The following TTLL12 variants were observed in gnomAD, a reference collection of about 807,000 sequenced individuals.
TTLL12 encodes the protein tubulin tyrosine ligase like 12, also known as tubulin--tyrosine ligase-like protein 12.
In TTLL12, 77 loss-of-function variants were observed where a neutral mutation model predicts 79.6. That is an observed-to-expected ratio of 0.97 (90% CI 0.81 to 1.17). The LOEUF (loss-of-function observed/expected upper bound fraction) is 1.17, where lower values mean the gene tolerates loss of function less well. Ranked by LOEUF, TTLL12 falls within the 50% of genes most tolerant of loss-of-function variation. TTLL12 has a pLI of 0.00. For synonymous variants in TTLL12, 437 were observed against 376.1 expected (o/e 1.16, Z -1.87); for missense variants, 969 against 895.9 (o/e 1.08, Z -1.04).
chr22:43,169,706 A>T, intron 11 of TTLL12, 138 bp from the exon 12 acceptor site: 1 of 820,934 alleles, frequency 1.2e-6, no homozygotes, highest in Non-Finnish European at 2.0e-6. Context: ...CCGAACCCTC[A>T]GGGTCCAAAC....
Position 43,180,731 on chromosome 22 carries a change from T to C in TTLL12, c.546+11A>G, listed in dbSNP as rs1385069663. The C allele has an allele frequency of 1.4e-5, 22 of 1,612,436 alleles. No homozygotes were observed. Among genetic ancestry groups the C allele is most frequent in the Non-Finnish European group, 1.8e-5 (21 of 1,179,728 alleles). On this transcript the variant is annotated intron_variant, in intron 3 of 13. Coordinates refer to ENST00000216129, the MANE Select transcript of TTLL12 (RefSeq NM_015140.4). ...GTCCTCCCCCTCCCCGGGGCCCAGC[T>C]ACCCACTCACCCCATGGGCCAGCTG...
chr22:43,185,742 G>A (rs1477127397), intron 1 of TTLL12, among the ~76,000 whole-genome samples: 1 of 152,218 alleles, frequency 6.6e-6, no homozygotes, highest in Non-Finnish European at 1.5e-5. Flanking sequence ...CCGCCCGAGG[G>A]AGGGCGTGCT....
At chr22:43,173,281 G>A (rs571273328) in intron 9 of TTLL12, among the ~76,000 whole-genome samples, 3 of 152,310 alleles carry the variant, frequency 2.0e-5, no homozygotes, top group East Asian at 1.9e-4. Context: ...GGCACACTAT[G>A]TGGTAGGAAC....
intron 6 of TTLL12, among the ~76,000 whole-genome samples, chr22:43,174,928 C>T (rs1200031343): frequency 1.3e-5 from 2 of 152,238 alleles, no homozygotes; most frequent in Non-Finnish European, 2.9e-5. Flanking sequence ...CTAGTTCTTT[C>T]CTCTCACATG....
chr22:43,168,036 C>G lies in TTLL12; in HGVS notation c.1907G>C (p.Gly636Ala), dbSNP rs1409914717. The change falls in exon 14 of 14, where the codon GGT (glycine) becomes GCT (alanine). Residue 636 changes from glycine (G) to alanine (A), a missense_variant. Coordinates refer to ENST00000216129, the MANE Select transcript of TTLL12 (RefSeq NM_015140.4). ...VFSTLFLDQP[G>A]GCHVTCLV ...GACAAGGCAGGTAACGTGGCAGCCA[C>G]CGGGCTGGTCCAGAAACAAGGTGCT... 1 of 1,614,012 alleles carries G rather than the reference C, an allele frequency of 6.2e-7. No individual in the cohort carries two copies. Among genetic ancestry groups the G allele is most frequent in the Non-Finnish European group, 8.5e-7 (1 of 1,179,952 alleles).
chr22:43,184,046 T>C (rs1323534013), intron 1 of TTLL12, among the ~76,000 whole-genome samples: 1 of 152,194 alleles, frequency 6.6e-6, no homozygotes, highest in East Asian at 1.9e-4. Flanking sequence ...CCACAGCAAA[T>C]GCTCTATAAA....
At chr22:43,179,351 C>T (rs71311488) in intron 5 of TTLL12, among the ~76,000 whole-genome samples, 4 of 152,092 alleles carry the variant, frequency 2.6e-5, no homozygotes, top group African/African-American at 9.7e-5. Context: ...CAGCCCCCTC[C>T]TTCCCAAGGG....
intron 9 of TTLL12, 29 bp downstream of exon 9, chr22:43,173,686 C>T (rs28372914): frequency 5.0e-6 from 8 of 1,590,950 alleles, no homozygotes; most frequent in Middle Eastern, 1.7e-4. Context: ...GGGCCCTGAG[C>T]CCTGGGGCTC....
At chr22:43,176,729 CAAAAAAAAAAAA>C (rs869094672) in intron 5 of TTLL12, among the ~76,000 whole-genome samples, 4 of 58,910 alleles carry the variant, frequency 6.8e-5, no homozygotes, top group Non-Finnish European at 1.2e-4. Context: ...GACTACATCT[CAAAAAAAAAAAA>C]AAAAAAAAAA....
Position 43,186,960 on chromosome 22 carries a change from G to A in TTLL12, c.110C>T (p.Pro37Leu). ...GGGGACCCCCGAAGCGCGCAGCGCC[G>A]GGCCGTGCAGCGCCGCGAACTCGGC... is the stretch of plus-strand genomic sequence containing the variant. ...ALAEFAALHG[P>L]ALRASGVPER... Residue 37 changes from proline (P) to leucine (L), a missense_variant, in exon 1 of 14, where the codon CCG becomes CTG. Coordinates refer to ENST00000216129, the MANE Select transcript of TTLL12 (RefSeq NM_015140.4). The A allele has an allele frequency of 7.5e-7, 1 of 1,340,990 alleles. No homozygotes were observed. The highest frequency in any genetic ancestry group is 1.7e-5 in the South Asian group (1 of 57,652). The allele number at this position is 1,340,990 out of a possible 1,614,324, so 83.1% of individuals were successfully genotyped here.
In TTLL12 at chr22:43,169,461, G is replaced by A. The variant is rs747336196; in HGVS notation, c.1644+39C>T. ...CCTGCAGGCCCCCAGCCCGGGACCC[G>A]CCCCACCGGCCTGCGATGGTGTGCA... On this transcript the variant is annotated intron_variant, in intron 12 of 13. Transcript: ENST00000216129. 4.6e-5 allele frequency: 70 copies of A among 1,528,142 alleles called. No individual in the cohort carries two copies. The South Asian group carries it at 7.2e-4, about 16-fold the overall frequency. 94.7% of individuals were successfully genotyped at this position (1,528,142 alleles called of 1,614,324 possible).
At position 43,179,854 on chromosome 22, in the gene TTLL12, G is replaced by C; in HGVS notation, c.693C>G (p.Asp231Glu). 1 of 1,594,448 alleles carries C rather than the reference G, an allele frequency of 6.3e-7. No individual in the cohort carries two copies. The highest frequency in any genetic ancestry group is 8.5e-7 in the Non-Finnish European group (1 of 1,169,928). Residue 231 changes from aspartate (D) to glutamate (E), a missense_variant, in exon 4 of 14, where the codon GAC becomes GAG. Physicochemically the swap from Asp to Glu is conservative, Grantham distance 45 (BLOSUM62 2). Coordinates refer to ENST00000216129, the MANE Select transcript of TTLL12 (RefSeq NM_015140.4). ...TGCTGGACTTACCGCCAGTGTCCAG[G>C]TCCCTCAGGGGCCACAGCAGCGTGT... ...VAYTLLWPLR[D>E]LDTGEEVTRD...
At chr22:43,170,413 C>T (rs1931734489) in intron 11 of TTLL12, 1 of 163,800 alleles carries the variant, frequency 6.1e-6, no homozygotes, top group Admixed American at 5.7e-5. Context: ...TCCAAGTCCT[C>T]CTAGAGGACT....
At chr22:43,176,207 A>T (rs979732896) in intron 6 of TTLL12, 113 bp downstream of exon 6, 11 of 778,872 alleles carry the variant, frequency 1.4e-5, no homozygotes, top group Middle Eastern at 3.1e-4. Context: ...GATGCGGCTG[A>T]CTTGCTGCGT....
At chr22:43,181,451 A>G (rs1358966617) in intron 2 of TTLL12, among the ~76,000 whole-genome samples, 2 of 152,236 alleles carry the variant, frequency 1.3e-5, no homozygotes, top group African/African-American at 4.8e-5. Flanking sequence ...AAGGGCTACC[A>G]CACAGGCCTC....
chr22:43,172,618 A>G, intron 9 of TTLL12, 64 bp from the exon 10 acceptor site: 1 of 1,596,442 alleles, frequency 6.3e-7, no homozygotes, highest in Non-Finnish European at 8.6e-7. Flanking sequence ...TCCCGAGCAC[A>G]CAAAGCCACG....
chr22:43,173,575 A>T (rs1036025937), intron 9 of TTLL12, 140 bp downstream of exon 9: 10 of 700,770 alleles, frequency 1.4e-5, no homozygotes, highest in South Asian at 2.1e-5. Flanking sequence ...CACTTCCCAG[A>T]GTGCTGAGAT....
At chr22:43,173,663 C>A in intron 9 of TTLL12, 52 bp downstream of exon 9, 1 of 1,553,278 alleles carries the variant, frequency 6.4e-7, no homozygotes, top group Admixed American at 1.8e-5. Context: ...CCCCACCTCT[C>A]ACTGTCCAGC....
intron 5 of TTLL12, 116 bp from the exon 6 acceptor site, chr22:43,176,512 G>T: frequency 5.0e-6 from 4 of 802,222 alleles, no homozygotes; most frequent in Non-Finnish European, 8.5e-6. Context: ...GGTGGATCAC[G>T]TGATGTCAGG....
Sources: allele counts gnomAD v4.1 joint callset (sites outside exome capture counted in the v4.1 genomes callset), GRCh38; gene constraint gnomAD v4.1.1; transcripts MANE v1.5; gene names NCBI Gene and HGNC (gene_info 2026-07-23, HGNC 2026-07-21).